SLC1A7: variants seen among roughly 807,000 people sequenced by gnomAD.
SLC1A7 encodes the protein solute carrier family 1 member 7, also known as excitatory amino acid transporter 5.
SLC1A7 carries 40 observed loss-of-function variants against 47.7 expected under a neutral mutation model. That is an observed-to-expected ratio of 0.84 (90% CI 0.65 to 1.09). SLC1A7 has a LOEUF of 1.09. Ranked by LOEUF, SLC1A7 falls within the 50% of genes least tolerant of loss-of-function variation. SLC1A7 has a pLI of 0.00. For missense variants in SLC1A7, 746 were observed against 769.5 expected, an observed-to-expected ratio of 0.97 and a Z score of 0.36; for synonymous variants, 323 against 325.6, an observed-to-expected ratio of 0.99 and a Z score of 0.09.
At chr1:53,115,264 T>TGAGA in intron 2 of SLC1A7, 1 of 495,338 alleles carries the variant, frequency 2.0e-6, no homozygotes, top group Non-Finnish European at 3.6e-6. Flanking sequence ...GTTGGGGGAG[T>TGAGA]GAGAGATTAA....
intron 3 of SLC1A7, among the ~76,000 whole-genome samples, chr1:53,106,551 G>C (rs969711725): frequency 6.7e-6 from 1 of 149,838 alleles, no homozygotes; most frequent in Non-Finnish European, 1.5e-5. Flanking sequence ...AGTGAGCCGA[G>C]ATCGCGCCAC....
intron 1 of SLC1A7, among the ~76,000 whole-genome samples, chr1:53,141,520 A>T (rs566776617): frequency 6.6e-6 from 1 of 151,788 alleles, no homozygotes; most frequent in South Asian, 2.1e-4. Context: ...CCTGTAGGAG[A>T]TGGGGGCTGA....
rs531219756 is a variant in SLC1A7, at chr1:53,142,494, A to G, written c.-45T>C. ...CAAGGGGCACAGCACCATTCCACGC[A>G]TGAGAGCCCGGCCGGGGGCACAGGG... On this transcript the variant is annotated 5_prime_UTR_variant, in exon 1 of 11. The change abolishes an upstream ATG in the 5' untranslated region. Transcript: ENST00000371494. 5.0e-6 allele frequency: 8 copies of G among 1,600,262 alleles called. No homozygotes were observed. Among genetic ancestry groups the G allele is most frequent in the South Asian group, 4.5e-5 (4 of 89,618 alleles).
At chr1:53,095,402 C>T (rs1416519512) in intron 5 of SLC1A7, among the ~76,000 whole-genome samples, 2 of 151,884 alleles carry the variant, frequency 1.3e-5, no homozygotes, top group African/African-American at 4.8e-5. Flanking sequence ...TAAGCCACAC[C>T]CTGCCTTGGT....
Position 53,093,535 on chromosome 1 carries a change from G to A in SLC1A7, c.723C>T (p.Asp241=), listed in dbSNP as rs1294228873. Residue 241 remains aspartate, a synonymous_variant, in exon 6 of 11, where the codon GAC becomes GAT. Transcript: ENST00000371494. Reference sequence around the variant, plus strand: ...AGAAGCTGACCAGGGGGGCCCCGCTGTCACCCATGCGGCCCAGCATGATGC... The same window carrying A: ...AGAAGCTGACCAGGGGGGCCCCGCTATCACCCATGCGGCCCAGCATGATGC... ...TMGIMLGRMG[D]SGAPLVSFCQ... is the part of the protein sequence containing the mutation. 2 of 1,608,004 alleles carry A rather than the reference G, an allele frequency of 1.2e-6. No homozygotes were observed. The highest frequency in any genetic ancestry group is 1.7e-5 in the Admixed American group (1 of 59,846).
intron 1 of SLC1A7, among the ~76,000 whole-genome samples, chr1:53,136,745 C>A (rs1422318657): frequency 1.4e-5 from 2 of 147,602 alleles, no homozygotes; most frequent in East Asian, 2.0e-4. Context: ...CAGCTCACTG[C>A]AACCTCCACC....
intron 1 of SLC1A7, among the ~76,000 whole-genome samples, chr1:53,137,145 G>C (rs1399862002): frequency 6.6e-6 from 1 of 151,936 alleles, no homozygotes; most frequent in East Asian, 1.9e-4. Flanking sequence ...AAATTAGCTG[G>C]GCATGGTGGT....
intron 2 of SLC1A7, among the ~76,000 whole-genome samples, chr1:53,123,296 G>A (rs1004904394): frequency 2.6e-4 from 40 of 152,322 alleles, no homozygotes; most frequent in African/African-American, 8.9e-4. Context: ...TCCCCTCCCT[G>A]CACCAGCAGG....
chr1:53,123,599 C>T (rs892710067), intron 2 of SLC1A7, among the ~76,000 whole-genome samples: 5 of 152,174 alleles, frequency 3.3e-5, no homozygotes, highest in African/African-American at 1.2e-4. Flanking sequence ...TGTGACTGAG[C>T]GCCAGAGCAG....
intron 1 of SLC1A7, among the ~76,000 whole-genome samples, chr1:53,139,274 C>T (rs1010001306): frequency 6.6e-6 from 1 of 152,174 alleles, no homozygotes; most frequent in African/African-American, 2.4e-5. Context: ...TCTCTGAGGC[C>T]TCAGTGAGAG....
intron 3 of SLC1A7, chr1:53,108,487 C>T (rs560187070): frequency 1.0e-4 from 69 of 692,670 alleles, no homozygotes; most frequent in South Asian, 7.8e-4. Flanking sequence ...CAAATGGGAC[C>T]TGCCATCAAG....
chr1:53,127,498 G>C (rs1408094349), intron 2 of SLC1A7, among the ~76,000 whole-genome samples: 2 of 152,184 alleles, frequency 1.3e-5, no homozygotes, highest in Admixed American at 6.5e-5. Flanking sequence ...AAGGTTCCAG[G>C]AGAGAGAAGG....
chr1:53,094,857 C>G (rs1051041644), intron 5 of SLC1A7, among the ~76,000 whole-genome samples: 10 of 152,216 alleles, frequency 6.6e-5, no homozygotes, highest in Non-Finnish European at 1.2e-4. Context: ...TAGTGTGGCA[C>G]GGGGGCTCCC....
At chr1:53,123,818 T>A (rs1644851268) in intron 2 of SLC1A7, among the ~76,000 whole-genome samples, 1 of 152,200 alleles carries the variant, frequency 6.6e-6, no homozygotes, top group Non-Finnish European at 1.5e-5. Flanking sequence ...CCCCTCTTGA[T>A]GAGTAAGGCA....
intron 10 of SLC1A7, 64 bp from the exon 11 acceptor site, chr1:53,088,291 T>C (rs1644382388): frequency 2.3e-6 from 3 of 1,332,116 alleles, no homozygotes; most frequent in South Asian, 1.4e-5. Context: ...GAGGGAGGAC[T>C]GAGGGCCAGT....
chr1:53,092,412 A>C (rs910549414), intron 7 of SLC1A7, 142 bp downstream of exon 7: 6 of 670,382 alleles, frequency 9.0e-6, no homozygotes, highest in African/African-American at 8.9e-5. Context: ...TTGTTACCCC[A>C]GCACCAGCCG....
At chr1:53,089,692 C>T in intron 9 of SLC1A7, 108 bp downstream of exon 9, 1 of 1,225,784 alleles carries the variant, frequency 8.2e-7, no homozygotes, top group Non-Finnish European at 1.2e-6. Flanking sequence ...GCGGGGCAGT[C>T]CCCAGCCTTC....
At chr1:53,128,840 A>G (rs1449973444) in intron 2 of SLC1A7, among the ~76,000 whole-genome samples, 1 of 142,426 alleles carries the variant, frequency 7.0e-6, no homozygotes, top group East Asian at 2.1e-4. Context: ...GGGAGCATTC[A>G]TGACACATCT....
At chr1:53,131,494 G>A (rs1337482479) in intron 2 of SLC1A7, among the ~76,000 whole-genome samples, 1 of 152,216 alleles carries the variant, frequency 6.6e-6, no homozygotes, top group Non-Finnish European at 1.5e-5. Flanking sequence ...AGAACTGCCT[G>A]CCAAGGGTCC....
Sources: allele counts gnomAD v4.1 joint callset (sites outside exome capture counted in the v4.1 genomes callset), GRCh38; gene constraint gnomAD v4.1.1; transcripts MANE v1.5; gene names NCBI Gene and HGNC (gene_info 2026-07-23, HGNC 2026-07-21).